ASTN1: variants seen among roughly 807,000 people sequenced by gnomAD.
The protein encoded by ASTN1 is astrotactin-1.
In ASTN1, 41 loss-of-function variants were observed where a neutral mutation model predicts 140.7. That is an observed-to-expected ratio of 0.29 (90% CI 0.23 to 0.38). The LOEUF (loss-of-function observed/expected upper bound fraction) is 0.38. Among genes scored for constraint, ASTN1 ranks in the 10% least tolerant of loss-of-function variants. ASTN1 has a pLI of 1.00. For missense variants in ASTN1, 1,479 were observed against 1,678.8 expected (o/e 0.88, Z 2.08); for synonymous variants, 640 against 652.2 (o/e 0.98, Z 0.29).
At chr1:176,955,833 G>A (rs1672376780) in intron 11 of ASTN1, among the ~76,000 whole-genome samples, 1 of 152,218 alleles carries the variant, frequency 6.6e-6, no homozygotes, top group Non-Finnish European at 1.5e-5. Context: ...GCATGTGCAT[G>A]CTCAAACCCA....
intron 16 of ASTN1, among the ~76,000 whole-genome samples, chr1:176,925,462 A>T (rs1338417263): frequency 6.6e-6 from 1 of 152,198 alleles, no homozygotes; most frequent in East Asian, 1.9e-4. Context: ...CCATTTTAAC[A>T]AGATCTTAGG....
At chr1:177,065,477 T>A (rs765118919) in intron 1 of ASTN1, among the ~76,000 whole-genome samples, 19 of 152,158 alleles carry the variant, frequency 1.2e-4, no homozygotes, top group African/African-American at 4.6e-4. Flanking sequence ...ACTTAAGACA[T>A]GATCATGAAG....
At chr1:177,069,160 A>G (rs917500464) in intron 1 of ASTN1, among the ~76,000 whole-genome samples, 2 of 152,112 alleles carry the variant, frequency 1.3e-5, no homozygotes, top group Non-Finnish European at 2.9e-5. Context: ...CATGAGAGTG[A>G]CCTATTGAAA....
chr1:177,149,257 AATATATATATACTATATATAGTAAAT>A (rs1682883053), intron 1 of ASTN1, among the ~76,000 whole-genome samples: 2 of 98,818 alleles, frequency 2.0e-5, no homozygotes, highest in African/African-American at 4.5e-5. Flanking sequence ...ATATATAGTA[AATATATATATACTATATATAGTAAAT>A]ATATATATAG....
chr1:176,878,645 C>G (rs1668663888), intron 20 of ASTN1, among the ~76,000 whole-genome samples: 2 of 152,096 alleles, frequency 1.3e-5, no homozygotes, highest in Non-Finnish European at 2.9e-5. Context: ...AGCTCTGTTC[C>G]TGGTTCAATC....
At chr1:177,047,163 T>C (rs545136347) in intron 2 of ASTN1, among the ~76,000 whole-genome samples, 6 of 152,190 alleles carry the variant, frequency 3.9e-5, no homozygotes, top group Admixed American at 6.5e-5. Context: ...AGGAATTGCA[T>C]GAAACTTCTT....
intron 1 of ASTN1, among the ~76,000 whole-genome samples, chr1:177,116,905 C>T (rs1681115780): frequency 6.6e-6 from 1 of 152,072 alleles, no homozygotes; most frequent in Admixed American, 6.6e-5. Context: ...CCTTGCTTTC[C>T]ACTCCTCCCC....
chr1:177,122,543 T>A (rs1209956304), intron 1 of ASTN1, among the ~76,000 whole-genome samples: 1 of 152,120 alleles, frequency 6.6e-6, no homozygotes, highest in Admixed American at 6.5e-5. Flanking sequence ...CTCTTCCCTA[T>A]CCTGCTGCGC....
chr1:177,025,537 G>A (rs1021673984), intron 5 of ASTN1, among the ~76,000 whole-genome samples: 1 of 152,088 alleles, frequency 6.6e-6, no homozygotes, highest in East Asian at 1.9e-4. Context: ...TATGCTTATG[G>A]AAGCAGAACA....
At chr1:177,068,821 C>CTTT (rs763780306) in intron 1 of ASTN1, among the ~76,000 whole-genome samples, 4 of 135,402 alleles carry the variant, frequency 3.0e-5, no homozygotes, top group Admixed American at 1.5e-4. Context: ...TCTTTCTTTT[C>CTTT]TTTTTTTTTT....
At chr1:176,978,730 C>T (rs1381683027) in intron 8 of ASTN1, among the ~76,000 whole-genome samples, 2 of 152,044 alleles carry the variant, frequency 1.3e-5, no homozygotes, top group African/African-American at 2.4e-5. Context: ...AGGTAGCTAG[C>T]TAAGCAGAGC....
intron 1 of ASTN1, among the ~76,000 whole-genome samples, chr1:177,069,416 A>G (rs1380643534): frequency 6.6e-6 from 1 of 152,040 alleles, no homozygotes; most frequent in East Asian, 1.9e-4. Flanking sequence ...AAACGAACCA[A>G]CTGAAGAAGC....
chr1:176,892,047 C>A (rs1007003170), intron 17 of ASTN1, among the ~76,000 whole-genome samples: 2 of 151,874 alleles, frequency 1.3e-5, no homozygotes, highest in African/African-American at 2.4e-5. Flanking sequence ...GTCTGAAGGG[C>A]CATAAGCATG....
intron 21 of ASTN1, among the ~76,000 whole-genome samples, chr1:176,875,683 A>T (rs1668531205): frequency 6.6e-6 from 1 of 152,220 alleles, no homozygotes; most frequent in South Asian, 2.1e-4. Context: ...GATGTCAGCA[A>T]ATCAGACTGG....
intron 8 of ASTN1, among the ~76,000 whole-genome samples, chr1:176,994,541 T>C (rs1376609271): frequency 1.3e-5 from 2 of 152,030 alleles, no homozygotes; most frequent in African/African-American, 2.4e-5. Flanking sequence ...TAGGGTTTCA[T>C]CATGTTGGCC....
chr1:176,871,594 C>T (rs948904936), intron 21 of ASTN1, among the ~76,000 whole-genome samples: 4 of 152,130 alleles, frequency 2.6e-5, no homozygotes, highest in Admixed American at 6.5e-5. Flanking sequence ...CCTAAAACCA[C>T]GATATTCTAG....
chr1:177,057,522 G>A lies in ASTN1; in HGVS notation c.471+3556C>T, dbSNP rs552869299. Among the ~76,000 whole-genome samples the A allele has an allele frequency of 2.8e-3, 423 of 152,222 alleles. 3 individuals are homozygous for A. Among genetic ancestry groups the A allele is most frequent in the South Asian group, 0.01 (49 of 4,818 alleles). ...AAATGAGAGAAATGTAAACTTTAAG[G>A]TTTTCATAAAACCATTAATTCCCTC... is the stretch of plus-strand genomic sequence containing the variant. On this transcript the variant is annotated intron_variant, in intron 2 of 22. Coordinates refer to ENST00000361833, the MANE Select transcript of ASTN1 (RefSeq NM_004319.3).
chr1:177,153,203 A>G (rs1285876444), intron 1 of ASTN1, among the ~76,000 whole-genome samples: 1 of 152,072 alleles, frequency 6.6e-6, no homozygotes, highest in Non-Finnish European at 1.5e-5. Context: ...TCCCTCTAAG[A>G]GCTGGTTGTT....
chr1:176,945,746 C>T (rs1671927404), intron 13 of ASTN1, among the ~76,000 whole-genome samples, 180 bp downstream of exon 13: 1 of 152,180 alleles, frequency 6.6e-6, no homozygotes, highest in South Asian at 2.1e-4. Context: ...AAGCATGGTT[C>T]TTGGATTCTG....
Sources: gnomAD v4.1 joint callset for allele counts (sites outside exome capture counted in the v4.1 genomes callset) on GRCh38, gnomAD v4.1.1 for gene constraint, MANE v1.5 for transcripts, NCBI Gene and HGNC (gene_info 2026-07-23, HGNC 2026-07-21) for gene names.